The following ATRNL1 variants were observed in gnomAD, a reference collection of about 807,000 sequenced individuals.
ATRNL1 encodes attractin-like protein 1.
A neutral mutation model predicts 182.7 loss-of-function variants in ATRNL1; 95 were observed. The observed-to-expected ratio is 0.52, with a 90% confidence interval of 0.44 to 0.62. ATRNL1 has a LOEUF of 0.62. ATRNL1 is among the 20% of genes least tolerant of loss of function. The probability of loss-of-function intolerance (pLI) is 0.00; values close to 1 mark genes in which losing one functional copy is unlikely to be tolerated. For missense variants in ATRNL1, 1,471 were observed against 1,679.5 expected (o/e 0.88, Z 2.17); for synonymous variants, 576 against 568.3 (o/e 1.01, Z -0.19).
intron 20 of ATRNL1, among the ~76,000 whole-genome samples, chr10:115,424,152 G>A (rs1300261281): frequency 2.6e-5 from 4 of 152,010 alleles, no homozygotes; most frequent in South Asian, 4.1e-4. Flanking sequence ...GAAGACATAC[G>A]AATGGCTCAC....
At chr10:115,671,375 A>G (rs1945692783) in intron 26 of ATRNL1, among the ~76,000 whole-genome samples, 1 of 152,164 alleles carries the variant, frequency 6.6e-6, no homozygotes, top group East Asian at 1.9e-4. Flanking sequence ...TGGATAGAGT[A>G]GATGCTTCTA....
chr10:115,098,408 G>C (rs2085069378), intron 1 of ATRNL1, among the ~76,000 whole-genome samples: 1 of 149,736 alleles, frequency 6.7e-6, no homozygotes, highest in Non-Finnish European at 1.5e-5. Context: ...TCTTTGCTTG[G>C]GTGATTACTG....
chr10:115,279,064 TG>T (rs1852234600), intron 13 of ATRNL1, among the ~76,000 whole-genome samples: 1 of 151,476 alleles, frequency 6.6e-6, no homozygotes, highest in African/African-American at 2.4e-5. Flanking sequence ...TAGCCGGGTG[TG>T]GTGGTGGGCG....
chr10:115,775,503 A>T (rs1949100750), intron 27 of ATRNL1, among the ~76,000 whole-genome samples: 1 of 152,226 alleles, frequency 6.6e-6, no homozygotes, highest in South Asian at 2.1e-4. Flanking sequence ...AATATAACAA[A>T]ATTAACATGA....
intron 26 of ATRNL1, among the ~76,000 whole-genome samples, chr10:115,581,654 G>A (rs17093324): frequency 6.6e-6 from 1 of 151,988 alleles, no homozygotes; most frequent in Non-Finnish European, 1.5e-5. Flanking sequence ...ATAATAATCA[G>A]ATATAAGTCA....
intron 26 of ATRNL1, among the ~76,000 whole-genome samples, chr10:115,596,164 G>A (rs1856229452): frequency 6.6e-6 from 1 of 152,228 alleles, no homozygotes; most frequent in Non-Finnish European, 1.5e-5. Flanking sequence ...GCAGCGCAAT[G>A]ACATGATCTT....
At chr10:115,406,442 GT>G (rs1469581497) in intron 20 of ATRNL1, among the ~76,000 whole-genome samples, 1 of 152,056 alleles carries the variant, frequency 6.6e-6, no homozygotes, top group Non-Finnish European at 1.5e-5. Context: ...AAAATTAACT[GT>G]TTTGTAAAGT....
intron 1 of ATRNL1, among the ~76,000 whole-genome samples, chr10:115,108,675 A>G (rs11197067): frequency 0.026 from 3,945 of 152,250 alleles, 159 homozygotes; most frequent in African/African-American, 0.087. Flanking sequence ...GGATGGAGCC[A>G]CCATTTTGAA....
chr10:115,394,662 G>T lies in ATRNL1; in HGVS notation c.3179G>T (p.Cys1060Phe). The T allele has an allele frequency of 6.2e-7, 1 of 1,611,002 alleles. No homozygotes were observed. The highest frequency in any genetic ancestry group is 8.5e-7 in the Non-Finnish European group (1 of 1,177,824). The change falls in exon 20 of 29, where the codon TGT (cysteine) becomes TTT (phenylalanine). Residue 1060 changes from cysteine to phenylalanine, a missense_variant. By Grantham distance (205) the Cys-to-Phe change is radical. Around this residue, in one of 3 missense-constraint regions of ATRNL1, gnomAD observed 437 missense variants for 506.0 expected, o/e 0.86. Transcript: ENST00000355044. ...DPTNGGQCTA[C>F]TCSGHANICH... is the part of the protein sequence containing the mutation. ...TCATTTTGGTTTTGACTTACAGCTT[G>T]TACATGCAGTGGCCATGCAAATATC... is the stretch of plus-strand genomic sequence containing the variant.
rs376597607 is a variant in ATRNL1 at position 115,373,744 on chromosome 10, G to GAAT, written c.3176-20914_3176-20913insATA. Among the ~76,000 whole-genome samples, 4 of 151,734 alleles carry GAAT rather than the reference G, an allele frequency of 2.6e-5. No homozygotes were observed. In the East Asian group the frequency reaches 7.7e-4, roughly 29 times the overall value. On this transcript the variant is annotated intron_variant, in intron 19 of 28. Coordinates refer to ENST00000355044, the MANE Select transcript of ATRNL1 (RefSeq NM_207303.4). ...GATGAATGATTTTTTTTCATTAAAG[G>GAAT]ATTATTGAAATGATTGAGTTTGTTT...
chr10:115,839,636 A>T (rs1271829659), intron 27 of ATRNL1, among the ~76,000 whole-genome samples: 5 of 152,056 alleles, frequency 3.3e-5, no homozygotes, highest in Admixed American at 2.0e-4. Context: ...CCTTCTCCAG[A>T]ACTTCACATA....
At chr10:115,466,086 C>A (rs1467600011) in intron 22 of ATRNL1, among the ~76,000 whole-genome samples, 1 of 151,416 alleles carries the variant, frequency 6.6e-6, no homozygotes, top group Non-Finnish European at 1.5e-5. Flanking sequence ...TTCCTTATTT[C>A]TCCTGCTATT....
intron 24 of ATRNL1, among the ~76,000 whole-genome samples, chr10:115,495,412 G>T (rs574846384): frequency 8.6e-5 from 13 of 151,976 alleles, no homozygotes; most frequent in Non-Finnish European, 1.6e-4. Context: ...GTGATGTTAG[G>T]TTGTTAATTT....
chr10:115,916,532 T>A (rs1406525052), intron 28 of ATRNL1, among the ~76,000 whole-genome samples: 2 of 152,204 alleles, frequency 1.3e-5, no homozygotes, highest in Non-Finnish European at 2.9e-5. Flanking sequence ...TGATTTCAGC[T>A]CTCCCTCGCC....
chr10:115,223,920 T>TAC (rs1554771069), intron 9 of ATRNL1, among the ~76,000 whole-genome samples: 1 of 69,194 alleles, frequency 1.4e-5, no homozygotes, highest in East Asian at 2.8e-4. Context: ...TGTGTATATA[T>TAC]ATATATATAT....
intron 26 of ATRNL1, among the ~76,000 whole-genome samples, chr10:115,645,032 T>G (rs187800220): frequency 6.6e-6 from 1 of 152,226 alleles, no homozygotes; most frequent in East Asian, 1.9e-4. Context: ...TTGGAGCATA[T>G]ACAGTCAGAG....
intron 27 of ATRNL1, among the ~76,000 whole-genome samples, chr10:115,745,479 A>C (rs782007488): frequency 6.6e-6 from 1 of 152,280 alleles, no homozygotes; most frequent in African/African-American, 2.4e-5. Context: ...TATTTCTCTC[A>C]GGTAAAAAGC....
chr10:115,935,518 C>T (rs1274325581), intron 28 of ATRNL1, among the ~76,000 whole-genome samples: 4 of 152,148 alleles, frequency 2.6e-5, no homozygotes, highest in African/African-American at 9.7e-5. Context: ...AAAGTAGCGG[C>T]TTCCTTCTTA....
At chr10:115,701,510 A>G (rs1555051526) in intron 26 of ATRNL1, among the ~76,000 whole-genome samples, 5 of 151,988 alleles carry the variant, frequency 3.3e-5, no homozygotes. Flanking sequence ...AACAAAACCA[A>G]AAGTTGGTTA....
Sources: gnomAD v4.1 joint callset for allele counts (sites outside exome capture counted in the v4.1 genomes callset) on GRCh38, gnomAD v4.1.1 for gene constraint, gnomAD v4.1.1 regional missense constraint, MANE v1.5 for transcripts, NCBI Gene and HGNC (gene_info 2026-07-23, HGNC 2026-07-21) for gene names.